PTPRC: variants seen among roughly 807,000 people sequenced by gnomAD.
PTPRC encodes the protein protein tyrosine phosphatase receptor type C, also known as receptor-type tyrosine-protein phosphatase C.
A neutral mutation model predicts 155.9 loss-of-function variants in PTPRC; 44 were observed. The ratio of observed to expected loss-of-function variants is 0.28; its 90% CI spans 0.22 to 0.36. The LOEUF (loss-of-function observed/expected upper bound fraction) is 0.36. Among genes scored for constraint, PTPRC ranks in the 10% least tolerant of loss-of-function variants. The pLI is 1.00. For missense variants in PTPRC, 1,401 were observed against 1,564.6 expected, an observed-to-expected ratio of 0.90 and a Z score of 1.76; for synonymous variants, 525 against 533.1, an observed-to-expected ratio of 0.98 and a Z score of 0.21.
At chr1:198,742,125 C>T (rs1654928980) in intron 24 of PTPRC, 99 bp downstream of exon 24, 1 of 1,600,460 alleles carries the variant, frequency 6.2e-7, no homozygotes, top group African/African-American at 1.3e-5. Flanking sequence ...TTGGCAATTG[C>T]TATTTTGGGA....
At chr1:198,674,188 TACG>T in intron 2 of PTPRC, among the ~76,000 whole-genome samples, 1 of 152,300 alleles carries the variant, frequency 6.6e-6, no homozygotes, top group South Asian at 2.1e-4. Context: ...GCCTCCTTTT[TACG>T]ACACTTGGAG....
intron 23 of PTPRC, among the ~76,000 whole-genome samples, chr1:198,740,989 G>A (rs1654874979): frequency 6.6e-6 from 1 of 151,786 alleles, no homozygotes; most frequent in Non-Finnish European, 1.5e-5. Flanking sequence ...AGGTTTCCAT[G>A]GTATTACTAA....
rs949649412 is a variant in PTPRC at position 198,694,268 on chromosome 1, G to T, written c.100+1895G>T. ...TCACTTCTCCTACCTTCTTGTGCCTGCTTTTTCTAGCCGTGCTGGCAGTTG... is the reference window on the plus strand; with the variant it reads ...TCACTTCTCCTACCTTCTTGTGCCTTCTTTTTCTAGCCGTGCTGGCAGTTG... On this transcript the variant is annotated intron_variant, in intron 3 of 32. Transcript: ENST00000442510. 6 of 806,200 alleles carry T rather than the reference G, an allele frequency of 7.4e-6. No homozygotes were observed. The African/African-American group carries it at 1.3e-4, about 17-fold the overall frequency. The allele number at this position is 806,200 out of a possible 1,614,324, so 49.9% of individuals were successfully genotyped here.
chr1:198,694,196 A>G (rs1412466259), intron 3 of PTPRC: 2 of 1,455,490 alleles, frequency 1.4e-6, no homozygotes, highest in African/African-American at 1.5e-5. Context: ...CAAGAGCAGG[A>G]AGCAGCCAGC....
Position 198,742,760 on chromosome 1 carries a change from A to G in PTPRC, c.2697+393A>G, listed in dbSNP as rs141131909. ...TTACAGGTTTCAAATCTTGCTTTTA[A>G]TTATTAATACGAGGGTGAGTGGTAT... is the stretch of plus-strand genomic sequence containing the variant. On this transcript the variant is annotated intron_variant, in intron 25 of 32. Transcript: ENST00000442510. 1.4e-3 allele frequency among the ~76,000 whole-genome samples: 212 copies of G among 151,952 alleles called. 2 individuals are homozygous for G. The South Asian group carries it at 0.02, about 15-fold the overall frequency.
At chr1:198,746,595 G>T (rs1452578435) in intron 26 of PTPRC, among the ~76,000 whole-genome samples, 1 of 151,798 alleles carries the variant, frequency 6.6e-6, no homozygotes, top group South Asian at 2.1e-4. Flanking sequence ...TAAGAGACTG[G>T]GTTGTATCTG....
chr1:198,651,563 T>C (rs1663253747), intron 2 of PTPRC, among the ~76,000 whole-genome samples: 1 of 151,794 alleles, frequency 6.6e-6, no homozygotes, highest in African/African-American at 2.4e-5. Flanking sequence ...CTTAATTTTG[T>C]ACTTACTGGT....
At chr1:198,736,561 A>G (rs1654647665) in intron 23 of PTPRC, among the ~76,000 whole-genome samples, 1 of 151,694 alleles carries the variant, frequency 6.6e-6, no homozygotes, top group Non-Finnish European at 1.5e-5. Flanking sequence ...GTATATATGT[A>G]CTACATTTTG....
intron 14 of PTPRC, among the ~76,000 whole-genome samples, chr1:198,721,410 G>C (rs1295969403): frequency 6.6e-6 from 1 of 151,696 alleles, no homozygotes; most frequent in Non-Finnish European, 1.5e-5. Flanking sequence ...ATTGTACTTT[G>C]GTAAAATTTT....
At chr1:198,736,872 A>ATAAG (rs1654668345) in intron 23 of PTPRC, among the ~76,000 whole-genome samples, 3 of 151,612 alleles carry the variant, frequency 2.0e-5, no homozygotes, top group South Asian at 4.1e-4. Flanking sequence ...TCTTTTATAT[A>ATAAG]TAAGTTGTTA....
intron 14 of PTPRC, among the ~76,000 whole-genome samples, chr1:198,719,588 G>A (rs974778217): frequency 2.6e-5 from 4 of 151,578 alleles, no homozygotes; most frequent in Non-Finnish European, 5.9e-5. Context: ...GTTTTGTTTT[G>A]TTTTGTTTTG....
At chr1:198,721,019 T>G (rs1256689046) in intron 14 of PTPRC, among the ~76,000 whole-genome samples, 2 of 152,198 alleles carry the variant, frequency 1.3e-5, no homozygotes, top group East Asian at 1.9e-4. Context: ...TATAAGTTAC[T>G]ATGGAAAAAT....
At chr1:198,699,823 A>T in intron 5 of PTPRC, 119 bp downstream of exon 5, 1 of 1,379,494 alleles carries the variant, frequency 7.2e-7, no homozygotes, top group Non-Finnish European at 1.0e-6. Context: ...TAGTTGATGA[A>T]TTTGGAATTT....
chr1:198,707,724 A>G lies in PTPRC; in HGVS notation c.905-409A>G, dbSNP rs188032084. 2.4e-3 allele frequency among the ~76,000 whole-genome samples: 370 copies of G among 152,334 alleles called. 2 individuals are homozygous for G. The highest frequency in any genetic ancestry group is 8.5e-3 in the African/African-American group (355 of 41,590). The stretch of plus-strand genomic sequence containing the variant: ...ACAATACTTAAAAATGCATTTCCCA[A>G]TAGGGAAACTCCCAATACACTTTAT... On this transcript the variant is annotated intron_variant, in intron 9 of 32. Coordinates refer to ENST00000442510, the MANE Select transcript of PTPRC (RefSeq NM_002838.5).
chr1:198,736,873 T>C (rs922635596), intron 23 of PTPRC, among the ~76,000 whole-genome samples: 2 of 151,624 alleles, frequency 1.3e-5, no homozygotes, highest in Non-Finnish European at 3.0e-5. Context: ...CTTTTATATA[T>C]AAGTTGTTAT....
At chr1:198,643,536 T>TTTTG (rs771775981) in intron 2 of PTPRC, among the ~76,000 whole-genome samples, 41 of 151,904 alleles carry the variant, frequency 2.7e-4, no homozygotes, top group South Asian at 1.0e-3. Flanking sequence ...GCCTTTTTGT[T>TTTTG]TTTGTTTGTT....
chr1:198,719,060 G>T (rs1012166443), intron 14 of PTPRC, among the ~76,000 whole-genome samples: 12 of 151,906 alleles, frequency 7.9e-5, no homozygotes, highest in African/African-American at 2.9e-4. Flanking sequence ...CAAAATTTTT[G>T]AATGTCTTTA....
chr1:198,682,063 G>T (rs1227601623), intron 2 of PTPRC, among the ~76,000 whole-genome samples: 1 of 152,212 alleles, frequency 6.6e-6, no homozygotes, highest in African/African-American at 2.4e-5. Context: ...GAAGTACACC[G>T]AAGAGAAGAA....
At chr1:198,721,953 A>G (rs1267284819) in intron 14 of PTPRC, among the ~76,000 whole-genome samples, 1 of 151,422 alleles carries the variant, frequency 6.6e-6, no homozygotes, top group East Asian at 1.9e-4. Context: ...ACAGGTGTTT[A>G]TGCATTATGC....
Sources: gnomAD v4.1 joint callset for allele counts (sites outside exome capture counted in the v4.1 genomes callset) on GRCh38, gnomAD v4.1.1 for gene constraint, MANE v1.5 for transcripts, NCBI Gene and HGNC (gene_info 2026-07-23, HGNC 2026-07-21) for gene names.